The following DLGAP4 variants were observed in gnomAD, a reference collection of about 807,000 sequenced individuals.
DLGAP4 encodes the protein DLG associated protein 4, also known as disks large-associated protein 4.
In DLGAP4, 18 loss-of-function variants were observed where a neutral mutation model predicts 86.9. The ratio of observed to expected loss-of-function variants is 0.21; its 90% CI spans 0.14 to 0.31. The LOEUF is 0.31. DLGAP4 is among the 10% of genes least tolerant of loss of function. The probability of loss-of-function intolerance (pLI) is 1.00; values close to 1 mark genes in which losing one functional copy is unlikely to be tolerated. For synonymous variants in DLGAP4, 548 were observed against 574.3 expected (o/e 0.95, Z 0.65); for missense variants, 1,085 against 1,362.6 (o/e 0.80, Z 3.21).
intron 10 of DLGAP4, among the ~76,000 whole-genome samples, chr20:36,519,275 A>G (rs2037225442): frequency 1.3e-5 from 2 of 152,152 alleles, no homozygotes; most frequent in African/African-American, 4.8e-5. Context: ...CAGAGACCCT[A>G]TCTCAAAAAC....
chr20:36,369,276 A>AT (rs1184698728), intron 2 of DLGAP4, among the ~76,000 whole-genome samples: 1 of 151,994 alleles, frequency 6.6e-6, no homozygotes, highest in East Asian at 1.9e-4. Context: ...ACAGTCATTT[A>AT]TTTTTTTTAA....
At chr20:36,492,214 T>C (rs1248242906) in intron 7 of DLGAP4, among the ~76,000 whole-genome samples, 1 of 152,156 alleles carries the variant, frequency 6.6e-6, no homozygotes, top group African/African-American at 2.4e-5. Flanking sequence ...AGAGCTCTCC[T>C]GTACAAGGTT....
chr20:36,311,254 C>T (rs1301177719), intron 1 of DLGAP4, among the ~76,000 whole-genome samples: 1 of 152,002 alleles, frequency 6.6e-6, no homozygotes, highest in Non-Finnish European at 1.5e-5. Flanking sequence ...GACCCTCAGC[C>T]GAGGCGCCCC....
intron 11 of DLGAP4, 108 bp downstream of exon 11, chr20:36,524,449 C>A: frequency 1.1e-6 from 1 of 893,128 alleles, no homozygotes; most frequent in Non-Finnish European, 1.7e-6. Flanking sequence ...ACACACACAG[C>A]GCGGCTTCCT....
intron 7 of DLGAP4, among the ~76,000 whole-genome samples, chr20:36,474,923 A>G (rs2034841747): frequency 6.6e-6 from 1 of 152,236 alleles, no homozygotes; most frequent in African/African-American, 2.4e-5. Flanking sequence ...CAAGCAGGTA[A>G]CAAATAAACA....
At chr20:36,519,173 G>A (rs1304321247) in intron 10 of DLGAP4, among the ~76,000 whole-genome samples, 1 of 151,890 alleles carries the variant, frequency 6.6e-6, no homozygotes, top group Non-Finnish European at 1.5e-5. Flanking sequence ...TAGCTACACA[G>A]GAAGCTAAGG....
At chr20:36,436,010 C>A (rs2033263703) in intron 3 of DLGAP4, 99 bp from the exon 4 acceptor site, 1 of 1,419,946 alleles carries the variant, frequency 7.0e-7, no homozygotes, top group African/African-American at 1.5e-5. Flanking sequence ...AGCCCGAATT[C>A]TGCAGGGAAC....
chr20:36,499,503 A>T (rs773248811), intron 8 of DLGAP4, 85 bp from the exon 9 acceptor site: 3 of 1,456,832 alleles, frequency 2.1e-6, no homozygotes, highest in Non-Finnish European at 2.8e-6. Context: ...CGTCCCACTA[A>T]TGTGAATTTC....
intron 1 of DLGAP4, among the ~76,000 whole-genome samples, chr20:36,309,214 G>A (rs1269592540): frequency 1.3e-5 from 2 of 152,126 alleles, no homozygotes; most frequent in African/African-American, 4.8e-5. Flanking sequence ...GCCAGGCTGT[G>A]TCACTGTCAC....
chr20:36,436,048 G>T, intron 3 of DLGAP4, 61 bp from the exon 4 acceptor site: 2 of 1,481,870 alleles, frequency 1.3e-6, no homozygotes, highest in East Asian at 2.4e-5. Flanking sequence ...CGGAGATGGG[G>T]GTTCTCGCCA....
rs144694534 is a variant in DLGAP4 at position 36,451,875 on chromosome 20, C to T, written c.1648+4938C>T. On this transcript the variant is annotated intron_variant, in intron 7 of 12. Transcript: ENST00000339266. ...TCCTGGATTCAAGTGATTCTCCTGC[C>T]TCAGCCTCCCAAGTAGCTGGGATTA... 1.3e-3 allele frequency among the ~76,000 whole-genome samples: 202 copies of T among 151,994 alleles called. 1 individual carries two copies. In the East Asian group the frequency reaches 0.019, roughly 15 times the overall value.
At chr20:36,520,298 G>T (rs1022825399) in intron 10 of DLGAP4, among the ~76,000 whole-genome samples, 12 of 152,032 alleles carry the variant, frequency 7.9e-5, no homozygotes, top group Admixed American at 5.9e-4. Flanking sequence ...TCAGATACAT[G>T]ATTTGCAGAG....
At chr20:36,442,673 C>T in intron 5 of DLGAP4, 54 bp from the exon 6 acceptor site, 2 of 1,599,766 alleles carry the variant, frequency 1.3e-6, no homozygotes, top group South Asian at 1.1e-5. Flanking sequence ...CTGAATCCCC[C>T]ACCCCAGCCC....
intron 10 of DLGAP4, among the ~76,000 whole-genome samples, chr20:36,509,929 T>A (rs2036595949): frequency 6.6e-6 from 1 of 151,998 alleles, no homozygotes; most frequent in African/African-American, 2.4e-5. Flanking sequence ...TGATCTCAGA[T>A]CACTGCAACC....
At chr20:36,512,016 GT>G (rs1331302495) in intron 10 of DLGAP4, among the ~76,000 whole-genome samples, 1 of 147,458 alleles carries the variant, frequency 6.8e-6, no homozygotes, top group African/African-American at 2.5e-5. Flanking sequence ...TGATTATATT[GT>G]TTGCTAAGAA....
intron 1 of DLGAP4, among the ~76,000 whole-genome samples, chr20:36,329,555 A>G (rs1600402743): frequency 6.6e-6 from 1 of 152,178 alleles, no homozygotes; most frequent in Admixed American, 6.5e-5. Context: ...GCCTCCACCA[A>G]GCTTTTGGTC....
At chr20:36,346,432 G>T (rs2029940512) in intron 1 of DLGAP4, among the ~76,000 whole-genome samples, 1 of 152,234 alleles carries the variant, frequency 6.6e-6, no homozygotes, top group South Asian at 2.1e-4. Context: ...ACACTCTCCT[G>T]GAAGCGGTGG....
At chr20:36,388,093 A>G (rs2031661412) in intron 2 of DLGAP4, among the ~76,000 whole-genome samples, 1 of 152,140 alleles carries the variant, frequency 6.6e-6, no homozygotes, top group South Asian at 2.1e-4. Context: ...ACACGTTTGC[A>G]AAGTCGCCCT....
chr20:36,384,331 C>T (rs545630445), intron 2 of DLGAP4, among the ~76,000 whole-genome samples: 1 of 152,256 alleles, frequency 6.6e-6, no homozygotes, highest in African/African-American at 2.4e-5. Context: ...TCTGGGGACC[C>T]AACTGGGAGG....
Sources: gnomAD v4.1 joint callset for allele counts (sites outside exome capture counted in the v4.1 genomes callset) on GRCh38, gnomAD v4.1.1 for gene constraint, MANE v1.5 for transcripts, NCBI Gene and HGNC (gene_info 2026-07-23, HGNC 2026-07-21) for gene names.